The following SEC63 variants were observed in gnomAD, a reference collection of about 807,000 sequenced individuals.
The protein encoded by SEC63 is translocation protein SEC63 homolog.
Under a neutral mutation model 116.2 loss-of-function variants are expected in SEC63, and 56 were observed. The observed-to-expected ratio is 0.48, with a 90% CI of 0.39 to 0.60. The LOEUF (loss-of-function observed/expected upper bound fraction) is 0.60. Ranked by LOEUF, SEC63 falls within the 20% of genes least tolerant of loss-of-function variation. The pLI is 0.00. For missense variants in SEC63, 668 were observed against 900.0 expected (o/e 0.74, Z 3.30); for synonymous variants, 273 against 294.6 (o/e 0.93, Z 0.75).
intron 1 of SEC63, among the ~76,000 whole-genome samples, chr6:107,946,703 C>T (rs1770487691): frequency 6.6e-6 from 1 of 152,144 alleles, no homozygotes; most frequent in Admixed American, 6.5e-5. Context: ...AAAGTTTTAT[C>T]AGATCGCTAA....
At chr6:107,951,946 T>C (rs2268630) in intron 1 of SEC63, among the ~76,000 whole-genome samples, 146,630 of 150,332 alleles carry the variant, frequency 0.98, 71,542 homozygotes, top group Middle Eastern at 0.99. Context: ...CCACTCCAGC[T>C]TGGGTGACAG....
chr6:107,908,748 T>C (rs1787210120), intron 8 of SEC63, among the ~76,000 whole-genome samples, 179 bp downstream of exon 8: 1 of 152,080 alleles, frequency 6.6e-6, no homozygotes, highest in African/African-American at 2.4e-5. Flanking sequence ...AATGAAAATA[T>C]AAATTAAGAA....
At chr6:107,916,201 TC>T (rs1016767986) in intron 4 of SEC63, among the ~76,000 whole-genome samples, 1 of 152,220 alleles carries the variant, frequency 6.6e-6, no homozygotes, top group African/African-American at 2.4e-5. Context: ...TCTGGAAATG[TC>T]TTTTTAAATT....
intron 4 of SEC63, among the ~76,000 whole-genome samples, chr6:107,918,579 C>A (rs920532953): frequency 2.0e-5 from 3 of 151,692 alleles, no homozygotes; most frequent in African/African-American, 7.3e-5. Flanking sequence ...GTAGTCCGAG[C>A]TACTCGGGAG....
chr6:107,957,841 G>A (rs377359690), intron 1 of SEC63, 45 bp downstream of exon 1: 89 of 1,566,486 alleles, frequency 5.7e-5, no homozygotes, highest in Non-Finnish European at 7.2e-5. Flanking sequence ...TGGGGGCGCT[G>A]GCGGGGCCTG....
rs139337934 is a variant in SEC63 at position 107,892,909 on chromosome 6, C to G, written c.1674+573G>C. ...ATGGTACAACTTTGGAAAACAGGCTCTTTTAACGAGTTAAGCATGCACCTA... is the reference window on the plus strand; with the variant it reads ...ATGGTACAACTTTGGAAAACAGGCTGTTTTAACGAGTTAAGCATGCACCTA... On this transcript the variant is annotated intron_variant, in intron 16 of 20. Transcript: ENST00000369002. Among the ~76,000 whole-genome samples, 622 of 152,258 alleles carry G rather than the reference C, an allele frequency of 4.1e-3. 2 individuals are homozygous for G. Among genetic ancestry groups the G allele is most frequent in the African/African-American group, 0.014 (583 of 41,536 alleles).
At chr6:107,892,691 T>C (rs935156777) in intron 16 of SEC63, among the ~76,000 whole-genome samples, 9 of 151,922 alleles carry the variant, frequency 5.9e-5, no homozygotes, top group African/African-American at 2.2e-4. Context: ...AACAACCCAA[T>C]AGAAAAAGAA....
chr6:107,923,691 A>G (rs906780173), intron 3 of SEC63, among the ~76,000 whole-genome samples: 1 of 136,060 alleles, frequency 7.3e-6, no homozygotes, highest in African/African-American at 3.4e-5. Flanking sequence ...ACACCCAGGT[A>G]ATTTTTTTTT....
chr6:107,928,257 C>T (rs1392620540), intron 2 of SEC63, among the ~76,000 whole-genome samples: 4 of 151,982 alleles, frequency 2.6e-5, no homozygotes, highest in Admixed American at 2.0e-4. Context: ...CCGAGGCAGG[C>T]AGACCACTTG....
chr6:107,949,940 T>C (rs531911108), intron 1 of SEC63, among the ~76,000 whole-genome samples: 1 of 152,314 alleles, frequency 6.6e-6, no homozygotes, highest in African/African-American at 2.4e-5. Context: ...CTGGCCCTCC[T>C]TCCTTAACAG....
intron 10 of SEC63, 125 bp downstream of exon 10, chr6:107,906,323 A>G: frequency 2.8e-6 from 3 of 1,076,640 alleles, no homozygotes; most frequent in Admixed American, 1.7e-5. Context: ...TTTTGTTTAT[A>G]TATTACCCAG....
At chr6:107,939,642 G>A (rs1024964590) in intron 1 of SEC63, among the ~76,000 whole-genome samples, 15 of 152,186 alleles carry the variant, frequency 9.9e-5, no homozygotes, top group Admixed American at 8.5e-4. Flanking sequence ...TACTGGGGAT[G>A]CTGAAGCAGG....
At chr6:107,883,271 T>C (rs1028803755) in intron 16 of SEC63, 125 bp from the exon 17 acceptor site, 33 of 1,178,180 alleles carry the variant, frequency 2.8e-5, no homozygotes, top group Non-Finnish European at 3.6e-5. Flanking sequence ...ACTATTCATA[T>C]ACAATTTTTT....
Position 107,870,614 on chromosome 6 carries a change from C to G in SEC63, c.*1090G>C, listed in dbSNP as rs1786108568. 1 of 152,102 alleles carries G rather than the reference C, an allele frequency of 6.6e-6. No homozygotes were observed. Among genetic ancestry groups the G allele is most frequent in the Non-Finnish European group, 1.5e-5 (1 of 68,032 alleles). 9.4% of individuals were successfully genotyped at this position (152,102 alleles called of 1,614,324 possible). A position where few individuals can be genotyped will look rare whatever the true frequency, so the allele number is the denominator to read the frequency against. On this transcript the variant is annotated 3_prime_UTR_variant, in exon 21 of 21. Coordinates refer to ENST00000369002, the MANE Select transcript of SEC63 (RefSeq NM_007214.5). ...CCAGTTGTACTATGAGGGGAAATCCCTCTCACTCCTGGGTTTTTCTACAGT... is the reference window on the plus strand; with the variant it reads ...CCAGTTGTACTATGAGGGGAAATCCGTCTCACTCCTGGGTTTTTCTACAGT...
Position 107,908,977 on chromosome 6 carries a change from G to A in SEC63, c.683C>T (p.Thr228Ile). 1 of 1,613,342 alleles carries A rather than the reference G, an allele frequency of 6.2e-7. No individual in the cohort carries two copies. The highest frequency in any genetic ancestry group is 8.5e-7 in the Non-Finnish European group (1 of 1,179,442). The change falls in exon 8 of 21, where the codon ACA becomes ATA. Residue 228 changes from threonine (T) to isoleucine (I), a missense_variant. By Grantham distance (89) the Thr-to-Ile change is moderately conservative (BLOSUM62 -1). This residue lies in a region of SEC63 where 430 missense variants were observed against 557.5 expected (regional missense o/e 0.77). Coordinates refer to ENST00000369002, the MANE Select transcript of SEC63 (RefSeq NM_007214.5). ...YSGDQILIRT[T>I]QIYTYFVYKT... is the part of the protein sequence containing the mutation. ...ATAAACAAAGTATGTATAAATCTGT[G>A]TTGTGCGTATTAGAATCTGGTCTCC...
chr6:107,882,604 GAGC>G (rs1260103821), intron 17 of SEC63, among the ~76,000 whole-genome samples: 3 of 152,002 alleles, frequency 2.0e-5, no homozygotes, highest in Non-Finnish European at 1.5e-5. Context: ...ACATGAACTG[GAGC>G]TTGTGACACA....
chr6:107,957,941 C>T lies in SEC63; in HGVS notation c.69G>A (p.Val23=). The T allele has an allele frequency of 6.2e-7, 1 of 1,613,450 alleles. No individual in the cohort carries two copies. The highest frequency in any genetic ancestry group is 8.5e-7 in the Non-Finnish European group (1 of 1,179,604). ...NTFFYFLTSF[V]GLIVIPATYY... The stretch of plus-strand genomic sequence containing the variant: ...ATGTCGCCGGGATCACGATGAGCCC[C>T]ACGAAGGAGGTGAGGAAGTAGAAGA... The change falls in exon 1 of 21, where the codon GTG becomes GTA. Residue 23 remains valine, a synonymous_variant. Coordinates refer to ENST00000369002, the MANE Select transcript of SEC63 (RefSeq NM_007214.5).
intron 14 of SEC63, among the ~76,000 whole-genome samples, chr6:107,894,242 T>C (rs974071891): frequency 1.3e-5 from 2 of 152,242 alleles, no homozygotes; most frequent in Admixed American, 1.3e-4. Flanking sequence ...TATATACTAT[T>C]TTCTGCATTA....
chr6:107,908,830 T>G, intron 8 of SEC63, 97 bp downstream of exon 8: 1 of 703,060 alleles, frequency 1.4e-6, no homozygotes, highest in Non-Finnish European at 2.5e-6. Context: ...AACTGTACAA[T>G]AGAATCTCAA....
Sources: gnomAD v4.1 joint callset for allele counts (sites outside exome capture counted in the v4.1 genomes callset) on GRCh38, gnomAD v4.1.1 for gene constraint, gnomAD v4.1.1 regional missense constraint, MANE v1.5 for transcripts, NCBI Gene and HGNC (gene_info 2026-07-23, HGNC 2026-07-21) for gene names.